BRD4: variants seen among roughly 807,000 people sequenced by gnomAD.
The protein encoded by BRD4 is bromodomain-containing protein 4.
A neutral mutation model predicts 142.1 loss-of-function variants in BRD4; 16 were observed. That is an observed-to-expected ratio of 0.11 (90% CI 0.08 to 0.17). BRD4 has a LOEUF of 0.17. Ranked by LOEUF, BRD4 falls within the 10% of genes least tolerant of loss-of-function variation. The probability of loss-of-function intolerance (pLI) is 1.00; values close to 1 mark genes in which losing one functional copy is unlikely to be tolerated. For synonymous variants in BRD4, 833 were observed against 707.5 expected (o/e 1.18, Z -2.82); for missense variants, 1,424 against 1,810.9 (o/e 0.79, Z 3.88).
intron 8 of BRD4, 24 bp downstream of exon 8, chr19:15,256,940 G>C (rs887508421): frequency 6.5e-7 from 1 of 1,539,798 alleles, no homozygotes; most frequent in Non-Finnish European, 8.8e-7. Context: ...TGGGGATTAA[G>C]AATGGAGCCA....
intron 1 of BRD4, among the ~76,000 whole-genome samples, chr19:15,305,685 G>A (rs898072344): frequency 1.3e-5 from 2 of 152,156 alleles, no homozygotes; most frequent in Non-Finnish European, 2.9e-5. Context: ...AATGGCTAAT[G>A]AGCAGTAGCT....
At chr19:15,244,673 G>A (rs1473586787) in intron 12 of BRD4, 37 bp downstream of exon 12, 9 of 1,614,054 alleles carry the variant, frequency 5.6e-6, no homozygotes, top group East Asian at 4.5e-5. Context: ...CAGACCCAAC[G>A]TCCCACCTAA....
At chr19:15,260,510 T>TG (rs2047457344) in intron 7 of BRD4, among the ~76,000 whole-genome samples, 1 of 152,182 alleles carries the variant, frequency 6.6e-6, no homozygotes, top group Non-Finnish European at 1.5e-5. Context: ...CCATCAACTC[T>TG]GTTGCTCAAA....
Position 15,237,652 on chromosome 19 carries a change from AAC to A in BRD4, c.*723_*724del, listed in dbSNP as rs1484480784. 2 of 232,256 alleles carry A rather than the reference AAC, an allele frequency of 8.6e-6. No individual in the cohort carries two copies. The highest frequency in any genetic ancestry group is 6.0e-5 in the East Asian group (1 of 16,538). The allele number at this position is 232,256 out of a possible 1,614,324, so 14.4% of individuals were successfully genotyped here. A position where few individuals can be genotyped will look rare whatever the true frequency, so the allele number is the denominator to read the frequency against. ...AAAAGAAAAAAAAAAACGAAACAGAAACACAGGTGGGAAGGAACTGACTTTGG... is the reference window on the plus strand; with the variant it reads ...AAAAGAAAAAAAAAAACGAAACAGAAACAGGTGGGAAGGAACTGACTTTGG... On this transcript the variant is annotated 3_prime_UTR_variant, in exon 20 of 20. Transcript: ENST00000679869.
chr19:15,271,885 C>T (rs1248901926), intron 2 of BRD4, among the ~76,000 whole-genome samples: 16 of 142,340 alleles, frequency 1.1e-4, no homozygotes, highest in Non-Finnish European at 1.5e-5. Flanking sequence ...AGTAAGGATG[C>T]CTGGCAGAGG....
intron 7 of BRD4, among the ~76,000 whole-genome samples, chr19:15,257,775 G>A (rs1438413272): frequency 5.9e-5 from 9 of 152,202 alleles, no homozygotes; most frequent in Admixed American, 5.2e-4. Flanking sequence ...ACTGGAGGAG[G>A]CATCTCCAGC....
At chr19:15,317,098 G>C (rs2048023828) in intron 1 of BRD4, among the ~76,000 whole-genome samples, 1 of 152,190 alleles carries the variant, frequency 6.6e-6, no homozygotes, top group Admixed American at 6.5e-5. Context: ...GCAGACAAGA[G>C]CTAGTGGGCT....
Position 15,265,564 on chromosome 19 carries a change from C to T in BRD4, c.639G>A (p.Pro213=), listed in dbSNP as rs751753874. 17 of 1,613,784 alleles carry T rather than the reference C, an allele frequency of 1.1e-5. No homozygotes were observed. The highest frequency in any genetic ancestry group is 2.2e-5 in the East Asian group (1 of 44,876). Residue 213 remains proline, a synonymous_variant, in exon 5 of 20, where the codon CCG becomes CCA. Transcript: ENST00000679869. ...GCGTGGCCTGCACAGGAGGAGGATTCGGCTGAGGGGTCTGGGTCTGCGGAG... is the reference window on the plus strand; with the variant it reads ...GCGTGGCCTGCACAGGAGGAGGATTTGGCTGAGGGGTCTGGGTCTGCGGAG... ...STPPQTQTPQ[P]NPPPVQATPH...
At chr19:15,331,928 G>A (rs2048163994) in intron 1 of BRD4, 1 of 144,956 alleles carries the variant, frequency 6.9e-6, no homozygotes, top group African/African-American at 2.5e-5. Context: ...GGAAGTGCCG[G>A]GCGCCTCGGC....
intron 1 of BRD4, among the ~76,000 whole-genome samples, chr19:15,307,765 T>A (rs1385806590): frequency 2.6e-5 from 4 of 152,050 alleles, no homozygotes; most frequent in African/African-American, 9.7e-5. Context: ...ACGTTTGGCA[T>A]CAGTGTGGTG....
chr19:15,287,915 C>T (rs137895489), intron 1 of BRD4, among the ~76,000 whole-genome samples: 73 of 152,104 alleles, frequency 4.8e-4, no homozygotes, highest in Admixed American at 9.2e-4. Flanking sequence ...ACTACAGACA[C>T]GTGCCACCAC....
chr19:15,283,749 A>T (rs2047721406), intron 1 of BRD4, among the ~76,000 whole-genome samples: 1 of 152,228 alleles, frequency 6.6e-6, no homozygotes. Flanking sequence ...AGTAAGCAAG[A>T]GTGTATCACG....
chr19:15,319,776 A>C (rs1299154021), intron 1 of BRD4, among the ~76,000 whole-genome samples: 1 of 152,062 alleles, frequency 6.6e-6, no homozygotes, highest in East Asian at 1.9e-4. Flanking sequence ...CTCTACAAAA[A>C]AATACCAAAA....
chr19:15,250,136 C>T (rs2047329147), intron 11 of BRD4, among the ~76,000 whole-genome samples: 1 of 152,204 alleles, frequency 6.6e-6, no homozygotes, highest in African/African-American at 2.4e-5. Flanking sequence ...AAAACCCGCC[C>T]ACTGGCGGCC....
At chr19:15,323,414 T>G (rs1158568385) in intron 1 of BRD4, among the ~76,000 whole-genome samples, 1 of 152,162 alleles carries the variant, frequency 6.6e-6, no homozygotes, top group Non-Finnish European at 1.5e-5. Context: ...CACCTCCATG[T>G]AGTTTTTTTG....
At chr19:15,282,010 T>TC (rs1329640285) in intron 1 of BRD4, among the ~76,000 whole-genome samples, 4 of 150,968 alleles carry the variant, frequency 2.6e-5, no homozygotes, top group African/African-American at 7.3e-5. Flanking sequence ...AGAGCGAGAC[T>TC]CCATCTCCAA....
chr19:15,302,731 C>T (rs1291875314), intron 1 of BRD4, among the ~76,000 whole-genome samples: 2 of 147,608 alleles, frequency 1.4e-5, no homozygotes, highest in African/African-American at 2.5e-5. Flanking sequence ...CTGGGCCGGG[C>T]GCAGTGGTTC....
chr19:15,248,645 G>A (rs1005194004), intron 11 of BRD4: 8 of 227,658 alleles, frequency 3.5e-5, no homozygotes, highest in Non-Finnish European at 5.2e-5. Context: ...GACTCCAAAA[G>A]GCTCAGAGTC....
At chr19:15,267,617 C>T in intron 3 of BRD4, 66 bp from the exon 4 acceptor site, 2 of 1,539,048 alleles carry the variant, frequency 1.3e-6, no homozygotes, top group South Asian at 1.2e-5. Flanking sequence ...AGACAGGGCA[C>T]CCCATGCCAC....
Sources: gnomAD v4.1 joint callset for allele counts (sites outside exome capture counted in the v4.1 genomes callset) on GRCh38, gnomAD v4.1.1 for gene constraint, MANE v1.5 for transcripts, NCBI Gene and HGNC (gene_info 2026-07-23, HGNC 2026-07-21) for gene names.